ATF7IP2: variants seen among roughly 807,000 people sequenced by gnomAD.
ATF7IP2 encodes activating transcription factor 7-interacting protein 2.
ATF7IP2 carries 42 observed loss-of-function variants against 64.2 expected under a neutral mutation model. The ratio of observed to expected loss-of-function variants is 0.65; its 90% confidence interval spans 0.51 to 0.85. The LOEUF (loss-of-function observed/expected upper bound fraction) is 0.85. Among genes scored for constraint, ATF7IP2 ranks in the 40% least tolerant of loss-of-function variants. The probability of loss-of-function intolerance (pLI) is 0.00; values close to 1 mark genes in which losing one functional copy is unlikely to be tolerated. For missense variants in ATF7IP2, 933 were observed against 784.2 expected (o/e 1.19, Z -2.27); for synonymous variants, 308 against 272.8 (o/e 1.13, Z -1.27).
chr16:10,474,035 G>C, intron 12 of ATF7IP2, 46 bp downstream of exon 12: 1 of 1,285,182 alleles, frequency 7.8e-7, no homozygotes, highest in Non-Finnish European at 1.1e-6. Flanking sequence ...GGAGGGAAGG[G>C]TAACAACTCA....
At chr16:10,471,047 T>C (rs2049781545) in intron 9 of ATF7IP2, among the ~76,000 whole-genome samples, 1 of 152,104 alleles carries the variant, frequency 6.6e-6, no homozygotes, top group Non-Finnish European at 1.5e-5. Flanking sequence ...ACTGCACATG[T>C]AGTTCATTGG....
intron 6 of ATF7IP2, among the ~76,000 whole-genome samples, chr16:10,437,578 A>C (rs544666115): frequency 2.0e-5 from 3 of 152,198 alleles, no homozygotes; most frequent in Non-Finnish European, 4.4e-5. Context: ...TCATTTGTCA[A>C]CAAGGAAAAT....
At chr16:10,422,816 A>G (rs1296598712) in intron 3 of ATF7IP2, among the ~76,000 whole-genome samples, 2 of 152,144 alleles carry the variant, frequency 1.3e-5, no homozygotes, top group Non-Finnish European at 1.5e-5. Flanking sequence ...CCATTTCCAC[A>G]TATGGCACAA....
At chr16:10,410,347 G>C (rs893459605) in intron 1 of ATF7IP2, among the ~76,000 whole-genome samples, 1 of 110,984 alleles carries the variant, frequency 9.0e-6, no homozygotes. Flanking sequence ...GTTTTGTTTT[G>C]TTTTGTTTTG....
chr16:10,402,312 C>G (rs1236443221), intron 1 of ATF7IP2, among the ~76,000 whole-genome samples: 1 of 151,598 alleles, frequency 6.6e-6, no homozygotes, highest in Non-Finnish European at 1.5e-5. Context: ...GTTCTTAATA[C>G]CCATATTCAT....
chr16:10,390,737 T>G (rs942815830), intron 1 of ATF7IP2, among the ~76,000 whole-genome samples: 8 of 152,026 alleles, frequency 5.3e-5, no homozygotes, highest in Non-Finnish European at 1.2e-4. Flanking sequence ...TGCAGTGAGC[T>G]GTGTTCATGC....
rs578125470 is a variant in ATF7IP2 at position 10,399,028 on chromosome 16, G to C, written c.-242+12906G>C. ...TTCAGGAGGCTGAGGCAGGAGAATC[G>C]CTTGAACCCGTGAGGCGGAGTTTGC... On this transcript the variant is annotated intron_variant, in intron 1 of 13. Coordinates refer to ENST00000562102, the MANE Select transcript of ATF7IP2 (RefSeq NM_001393719.1). Among the ~76,000 whole-genome samples, 5 of 152,222 alleles carry C rather than the reference G, an allele frequency of 3.3e-5. No individual in the cohort carries two copies. In the South Asian group the frequency reaches 1.0e-3, roughly 32 times the overall value.
chr16:10,412,010 G>GTTTTTTTTTTTTTTTTTT lies in ATF7IP2; in HGVS notation c.-241-2552_-241-2535dup, dbSNP rs71133351. Among the ~76,000 whole-genome samples the GTTTTTTTTTTTTTTTTTT allele has an allele frequency of 4.6e-3, 271 of 58,412 alleles. 17 individuals are homozygous for GTTTTTTTTTTTTTTTTTT. Among genetic ancestry groups the GTTTTTTTTTTTTTTTTTT allele is most frequent in the Non-Finnish European group, 6.8e-3 (205 of 30,172 alleles). 38.3% of individuals were successfully genotyped at this position (58,412 alleles called of 152,430 possible). ...CTTTTTGTTTCATTTATCTTTTTTT[G>GTTTTTTTTTTTTTTTTTT]TTTTTTTTTTTTTTTTTTTTTTTTT... On this transcript the variant is annotated intron_variant, in intron 1 of 13. Transcript: ENST00000562102.
intron 9 of ATF7IP2, among the ~76,000 whole-genome samples, chr16:10,462,002 T>G (rs2049389559): frequency 6.6e-6 from 1 of 152,148 alleles, no homozygotes; most frequent in Admixed American, 6.5e-5. Flanking sequence ...TCTGTCTCTC[T>G]GTTATAGCCA....
intron 3 of ATF7IP2, among the ~76,000 whole-genome samples, chr16:10,427,519 A>G (rs1332166852): frequency 6.6e-6 from 1 of 152,210 alleles, no homozygotes; most frequent in East Asian, 1.9e-4. Context: ...CACTCAGGAA[A>G]TGCTTACACA....
chr16:10,425,161 C>T (rs1377345324), intron 3 of ATF7IP2, among the ~76,000 whole-genome samples: 3 of 149,746 alleles, frequency 2.0e-5, no homozygotes, highest in East Asian at 2.0e-4. Context: ...CGGGTTCAAG[C>T]GATTATCCCA....
At chr16:10,451,704 C>T (rs1383060581) in intron 8 of ATF7IP2, among the ~76,000 whole-genome samples, 1 of 151,828 alleles carries the variant, frequency 6.6e-6, no homozygotes, top group Non-Finnish European at 1.5e-5. Flanking sequence ...ACTGGTTATT[C>T]TACTTAGCTA....
intron 2 of ATF7IP2, among the ~76,000 whole-genome samples, chr16:10,415,653 C>G (rs2047857884): frequency 6.6e-6 from 1 of 152,162 alleles, no homozygotes; most frequent in African/African-American, 2.4e-5. Flanking sequence ...AGGAAACAAT[C>G]TACAAAGTAA....
chr16:10,399,666 A>G (rs187942948), intron 1 of ATF7IP2, among the ~76,000 whole-genome samples: 1 of 152,162 alleles, frequency 6.6e-6, no homozygotes, highest in African/African-American at 2.4e-5. Context: ...TGCTTTGGCT[A>G]TTTGGGCTCT....
In ATF7IP2 at chr16:10,481,988, G is replaced by C; in HGVS notation, c.1788G>C (p.Trp596Cys). The change falls in exon 14 of 14, where the codon TGG becomes TGC. Residue 596 changes from tryptophan (W) to cysteine (C), a missense_variant. Transcript: ENST00000562102. The part of the protein sequence containing the change: ...VFRPNGIALT[W>C]NITKINPKCA... ...GACCCAATGGCATTGCCCTGACTTG[G>C]AATATAACCAAAATCAATCCCAAGT... The C allele has an allele frequency of 6.2e-7, 1 of 1,614,066 alleles. No individual in the cohort carries two copies. The highest frequency in any genetic ancestry group is 1.6e-4 in the Middle Eastern group (1 of 6,062).
chr16:10,477,347 G>A (rs2050047803), intron 12 of ATF7IP2, among the ~76,000 whole-genome samples: 1 of 152,232 alleles, frequency 6.6e-6, no homozygotes, highest in African/African-American at 2.4e-5. Context: ...CTTGATCATG[G>A]TGGATAAGCT....
chr16:10,424,003 C>T (rs1440323818), intron 3 of ATF7IP2, among the ~76,000 whole-genome samples: 1 of 152,176 alleles, frequency 6.6e-6, no homozygotes, highest in Non-Finnish European at 1.5e-5. Context: ...GAGTTTTACC[C>T]ACATATTTAT....
intron 1 of ATF7IP2, among the ~76,000 whole-genome samples, chr16:10,389,573 A>G (rs1312564649): frequency 6.6e-6 from 1 of 152,244 alleles, no homozygotes; most frequent in Non-Finnish European, 1.5e-5. Flanking sequence ...ATGTGAGCTA[A>G]ATCTTCATCT....
At chr16:10,424,673 CAAAG>C (rs1022946451) in intron 3 of ATF7IP2, among the ~76,000 whole-genome samples, 2 of 152,090 alleles carry the variant, frequency 1.3e-5, no homozygotes, top group African/African-American at 2.4e-5. Flanking sequence ...TTTAAATTCT[CAAAG>C]AATCTGCATA....
Sources: gnomAD v4.1 joint callset for allele counts (sites outside exome capture counted in the v4.1 genomes callset) on GRCh38, gnomAD v4.1.1 for gene constraint, MANE v1.5 for transcripts, NCBI Gene and HGNC (gene_info 2026-07-23, HGNC 2026-07-21) for gene names.